PTPRK: variants seen among roughly 807,000 people sequenced by gnomAD.
The protein encoded by PTPRK is receptor-type tyrosine-protein phosphatase kappa.
PTPRK carries 75 observed loss-of-function variants against 178.0 expected under a neutral mutation model. That is an observed-to-expected ratio of 0.42 (90% CI 0.35 to 0.51). The LOEUF is 0.51. Ranked by LOEUF, PTPRK falls within the 20% of genes least tolerant of loss-of-function variation. The pLI is 0.02. For missense variants in PTPRK, 1,441 were observed against 1,797.8 expected (o/e 0.80, Z 3.59); for synonymous variants, 637 against 620.6 (o/e 1.03, Z -0.39).
chr6:128,457,992 A>G (rs1848597810), intron 1 of PTPRK, among the ~76,000 whole-genome samples: 1 of 152,120 alleles, frequency 6.6e-6, no homozygotes, highest in Non-Finnish European at 1.5e-5. Context: ...TTCCACATGT[A>G]CTGCCCTCAA....
chr6:128,212,234 A>AT (rs1236313928), intron 6 of PTPRK, among the ~76,000 whole-genome samples: 1 of 151,894 alleles, frequency 6.6e-6, no homozygotes, highest in Non-Finnish European at 1.5e-5. Flanking sequence ...TATGTATGCG[A>AT]TTTTTTTGGC....
At chr6:128,401,446 T>C (rs1406752898) in intron 1 of PTPRK, among the ~76,000 whole-genome samples, 1 of 152,192 alleles carries the variant, frequency 6.6e-6, no homozygotes, top group Non-Finnish European at 1.5e-5. Flanking sequence ...CAGAGACATT[T>C]TCTGTAGAAT....
At chr6:128,318,630 A>C (rs184739079) in intron 3 of PTPRK, among the ~76,000 whole-genome samples, 7 of 152,312 alleles carry the variant, frequency 4.6e-5, no homozygotes, top group Admixed American at 4.6e-4. Context: ...TTAGGTTTCC[A>C]CTAATAGTTT....
At chr6:128,228,752 C>T (rs1462573777) in intron 5 of PTPRK, among the ~76,000 whole-genome samples, 1 of 151,554 alleles carries the variant, frequency 6.6e-6, no homozygotes, top group Non-Finnish European at 1.5e-5. Flanking sequence ...GAAAATACCA[C>T]ATACCTGATG....
At chr6:128,055,320 A>G (rs1420504411) in intron 13 of PTPRK, among the ~76,000 whole-genome samples, 1 of 152,194 alleles carries the variant, frequency 6.6e-6, no homozygotes, top group African/African-American at 2.4e-5. Context: ...GTTTAACCTG[A>G]AAATGATCTA....
intron 3 of PTPRK, among the ~76,000 whole-genome samples, chr6:128,317,634 T>TTAG (rs2128319060): frequency 6.6e-6 from 1 of 152,050 alleles, no homozygotes; most frequent in Non-Finnish European, 1.5e-5. Context: ...TTAAATAATT[T>TTAG]TATTATTATT....
At position 128,063,045 on chromosome 6, in the gene PTPRK, T is replaced by C. The variant is rs552684271; in HGVS notation, c.2194+1713A>G. Among the ~76,000 whole-genome samples, 5 of 152,178 alleles carry C rather than the reference T, an allele frequency of 3.3e-5. No homozygotes were observed. In the East Asian group the frequency reaches 5.8e-4, roughly 18 times the overall value. The stretch of plus-strand genomic sequence containing the variant: ...GTACTCTATTATTTAATTTTTGGAA[T>C]GAGGGTTTACATAAGTTTCTCAATA... On this transcript the variant is annotated intron_variant, in intron 13 of 29. Transcript: ENST00000368226.
chr6:128,207,059 C>T (rs1807110064), intron 6 of PTPRK, among the ~76,000 whole-genome samples: 1 of 152,142 alleles, frequency 6.6e-6, no homozygotes. Flanking sequence ...GGTTGCAAAT[C>T]AGGAATCATT....
intron 3 of PTPRK, among the ~76,000 whole-genome samples, chr6:128,318,664 C>T (rs148669829): frequency 6.6e-6 from 1 of 152,222 alleles, no homozygotes; most frequent in East Asian, 1.9e-4. Context: ...CGTCTGCCTG[C>T]CTCATTTAGT....
intron 1 of PTPRK, among the ~76,000 whole-genome samples, chr6:128,502,383 A>G (rs1194444192): frequency 6.6e-6 from 1 of 152,242 alleles, no homozygotes; most frequent in African/African-American, 2.4e-5. Flanking sequence ...GCCTTCTGAC[A>G]TCAACATTTT....
intron 3 of PTPRK, among the ~76,000 whole-genome samples, chr6:128,299,594 C>G (rs1825188923): frequency 6.6e-6 from 1 of 151,802 alleles, no homozygotes; most frequent in South Asian, 2.1e-4. Context: ...TGATCTTTGA[C>G]AAACCTGAGA....
intron 6 of PTPRK, among the ~76,000 whole-genome samples, chr6:128,192,565 A>G (rs1397669968): frequency 6.6e-6 from 1 of 152,092 alleles, no homozygotes; most frequent in East Asian, 1.9e-4. Flanking sequence ...CATGCCTGTA[A>G]TCCTAGCATT....
At chr6:127,970,989 C>A (rs1432159958) in intron 29 of PTPRK, among the ~76,000 whole-genome samples, 1 of 151,888 alleles carries the variant, frequency 6.6e-6, no homozygotes. Flanking sequence ...TTTTAAACAG[C>A]CATTTATGCA....
At chr6:128,147,589 T>C (rs1239196975) in intron 7 of PTPRK, among the ~76,000 whole-genome samples, 3 of 152,288 alleles carry the variant, frequency 2.0e-5, no homozygotes, top group African/African-American at 7.2e-5. Context: ...TAAATCTCAG[T>C]GTTTTCAATA....
At chr6:128,026,578 G>C (rs1453519464) in intron 13 of PTPRK, among the ~76,000 whole-genome samples, 2 of 152,072 alleles carry the variant, frequency 1.3e-5, no homozygotes, top group Non-Finnish European at 2.9e-5. Flanking sequence ...AAAGTACCTA[G>C]AAGTATTTGA....
intron 7 of PTPRK, among the ~76,000 whole-genome samples, chr6:128,168,867 A>G (rs1445132885): frequency 6.6e-6 from 1 of 152,106 alleles, no homozygotes; most frequent in East Asian, 1.9e-4. Flanking sequence ...AAATGGATAA[A>G]GAAATTGTGA....
intron 7 of PTPRK, among the ~76,000 whole-genome samples, chr6:128,137,848 G>C (rs1795231114): frequency 6.6e-6 from 1 of 152,054 alleles, no homozygotes; most frequent in South Asian, 2.1e-4. Context: ...TAAAGGAAGA[G>C]CTTATATAGC....
rs1330321059 is a variant in PTPRK, at chr6:128,445,525, A to ATG, written c.101-47839_101-47838dup. Among the ~76,000 whole-genome samples, 4 of 150,520 alleles carry ATG rather than the reference A, an allele frequency of 2.7e-5. No individual in the cohort carries two copies. The Admixed American group carries it at 2.7e-4, about 10-fold the overall frequency. ...ATATATATGCTTACATATAAAGTATATGTATATATATATACTTACATATAT... is the reference window on the plus strand; with the variant it reads ...ATATATATGCTTACATATAAAGTATATGTGTATATATATATACTTACATATAT... On this transcript the variant is annotated intron_variant, in intron 1 of 29. Coordinates refer to ENST00000368226, the MANE Select transcript of PTPRK (RefSeq NM_002844.4).
chr6:128,124,740 A>C (rs1461432832), intron 7 of PTPRK, among the ~76,000 whole-genome samples: 1 of 152,190 alleles, frequency 6.6e-6, no homozygotes, highest in Non-Finnish European at 1.5e-5. Context: ...TAATGTGGGT[A>C]GGCCTTATCC....
Sources: allele counts gnomAD v4.1 joint callset (sites outside exome capture counted in the v4.1 genomes callset), GRCh38; gene constraint gnomAD v4.1.1; transcripts MANE v1.5; gene names NCBI Gene and HGNC (gene_info 2026-07-23, HGNC 2026-07-21).